PIP5K1B: variants seen among roughly 807,000 people sequenced by gnomAD.
PIP5K1B encodes phosphatidylinositol 4-phosphate 5-kinase type-1 beta.
Under a neutral mutation model 67.0 loss-of-function variants are expected in PIP5K1B, and 42 were observed. The observed-to-expected ratio is 0.63, with a 90% CI of 0.49 to 0.81. PIP5K1B has a LOEUF of 0.81. Among genes scored for constraint, PIP5K1B ranks in the 30% least tolerant of loss-of-function variants. The pLI, the probability that PIP5K1B is intolerant of heterozygous loss-of-function variation, is 0.00. For missense variants in PIP5K1B, 459 were observed against 646.3 expected, an observed-to-expected ratio of 0.71 and a Z score of 3.14; for synonymous variants, 214 against 231.4, an observed-to-expected ratio of 0.92 and a Z score of 0.68.
intron 4 of PIP5K1B, among the ~76,000 whole-genome samples, chr9:68,824,832 A>G (rs1833903046): frequency 6.6e-6 from 1 of 152,218 alleles, no homozygotes; most frequent in Non-Finnish European, 1.5e-5. Context: ...GGAGTTAGCT[A>G]TTGCAAATGT....
rs142645474 is a variant in PIP5K1B, at chr9:68,894,322, C to CTTT, written c.472-12_472-10dup. 1.3e-6 allele frequency: 2 copies of CTTT among 1,521,628 alleles called. No individual in the cohort carries two copies. The highest frequency in any genetic ancestry group is 2.8e-5 in the African/African-American group (2 of 71,936). 94.3% of individuals were successfully genotyped at this position (1,521,628 alleles called of 1,614,324 possible). On this transcript the variant is annotated splice_polypyrimidine_tract_variant and intron_variant, in intron 7 of 15. Transcript: ENST00000265382. ...AATAGAAGATTGTAAATATATTTTT[C>CTTT]TTTTTTTGGTTTCTAGAATTTAAAC... is the stretch of plus-strand genomic sequence containing the variant.
intron 12 of PIP5K1B, among the ~76,000 whole-genome samples, chr9:68,928,720 A>G (rs538600019): frequency 6.6e-6 from 1 of 152,224 alleles, no homozygotes; most frequent in Non-Finnish European, 1.5e-5. Flanking sequence ...TAGTGCTGCT[A>G]CAGTGGAAAA....
intron 5 of PIP5K1B, among the ~76,000 whole-genome samples, chr9:68,871,978 G>A (rs770653272): frequency 8.6e-5 from 13 of 151,730 alleles, no homozygotes; most frequent in Admixed American, 3.3e-4. Flanking sequence ...ACTGTGAGGA[G>A]TTCTACTCTT....
intron 1 of PIP5K1B, among the ~76,000 whole-genome samples, chr9:68,739,598 G>C (rs796351082): frequency 7.9e-5 from 12 of 152,318 alleles, no homozygotes; most frequent in African/African-American, 2.9e-4. Flanking sequence ...AATTTTGGTT[G>C]GAGGAATGTT....
At chr9:68,996,025 C>G (rs1830589420) in intron 15 of PIP5K1B, among the ~76,000 whole-genome samples, 1 of 152,164 alleles carries the variant, frequency 6.6e-6, no homozygotes, top group Non-Finnish European at 1.5e-5. Flanking sequence ...GCTTCTTCTC[C>G]TTTAAGATAG....
chr9:68,925,352 A>C (rs1027997132), intron 12 of PIP5K1B, among the ~76,000 whole-genome samples: 3 of 152,208 alleles, frequency 2.0e-5, no homozygotes, highest in East Asian at 3.8e-4. Flanking sequence ...CCACGAGGCC[A>C]TGAGAGCCCG....
intron 9 of PIP5K1B, among the ~76,000 whole-genome samples, chr9:68,918,336 T>TCA: frequency 6.6e-6 from 1 of 152,170 alleles, no homozygotes; most frequent in Admixed American, 6.5e-5. Context: ...GTGATCCACC[T>TCA]GCCTTGGCTT....
At chr9:68,927,526 G>T (rs929468367) in intron 12 of PIP5K1B, among the ~76,000 whole-genome samples, 1 of 152,072 alleles carries the variant, frequency 6.6e-6, no homozygotes, top group Non-Finnish European at 1.5e-5. Context: ...ATGACTAATG[G>T]TATTAAACAT....
At chr9:68,998,555 T>C (rs943059654) in intron 15 of PIP5K1B, among the ~76,000 whole-genome samples, 2 of 152,180 alleles carry the variant, frequency 1.3e-5, no homozygotes, top group Non-Finnish European at 2.9e-5. Context: ...AAAGCCAGTG[T>C]TTGCCATTTT....
chr9:68,850,163 C>G (rs1276174903), intron 4 of PIP5K1B, among the ~76,000 whole-genome samples: 3 of 152,280 alleles, frequency 2.0e-5, no homozygotes, highest in African/African-American at 7.2e-5. Context: ...ATTAAAGAAG[C>G]CTACTTCATC....
intron 2 of PIP5K1B, chr9:68,781,414 C>T: frequency 5.4e-6 from 1 of 185,032 alleles, no homozygotes; most frequent in Admixed American, 5.7e-5. Context: ...TTTAAAATTC[C>T]ATACTTCATG....
chr9:68,917,981 T>C (rs1265722267), intron 9 of PIP5K1B, among the ~76,000 whole-genome samples: 1 of 152,242 alleles, frequency 6.6e-6, no homozygotes, highest in Non-Finnish European at 1.5e-5. Context: ...TTTCTTTTTT[T>C]AACAATGGCT....
At chr9:68,813,355 G>T (rs902929322) in intron 2 of PIP5K1B, among the ~76,000 whole-genome samples, 2 of 152,220 alleles carry the variant, frequency 1.3e-5, no homozygotes, top group East Asian at 3.8e-4. Context: ...TGGAAGAGAC[G>T]TGTTGACTAT....
At position 68,934,938 on chromosome 9, in the gene PIP5K1B, T is replaced by A; in HGVS notation, c.1250T>A (p.Leu417Gln). 1 of 1,613,292 alleles carries A rather than the reference T, an allele frequency of 6.2e-7. No homozygotes were observed. ...SKKRCNSIAALKATSQEIVSS... is the reference protein window; with the variant it reads ...SKKRCNSIAAQKATSQEIVSS... ...AAACGGTGCAATTCAATCGCCGCCC[T>A]AAAGGCCACTTCACAGGAGATTGTG... Residue 417 changes from leucine to glutamine, a missense_variant, in exon 13 of 16, where the codon CTA becomes CAA. Transcript: ENST00000265382.
intron 4 of PIP5K1B, among the ~76,000 whole-genome samples, chr9:68,826,559 T>C (rs550780613): frequency 6.6e-5 from 10 of 152,340 alleles, no homozygotes; most frequent in African/African-American, 2.2e-4. Context: ...GTGGCCAGTT[T>C]ACAACCTCTG....
intron 5 of PIP5K1B, among the ~76,000 whole-genome samples, chr9:68,874,886 T>C (rs1402066074): frequency 1.3e-5 from 2 of 152,220 alleles, no homozygotes; most frequent in Non-Finnish European, 2.9e-5. Context: ...AAGGATGTTA[T>C]AGGTCTCTTT....
chr9:68,985,769 C>G (rs777981204), intron 14 of PIP5K1B, among the ~76,000 whole-genome samples: 4 of 152,248 alleles, frequency 2.6e-5, no homozygotes, highest in Non-Finnish European at 5.9e-5. Context: ...CAGAACCCAA[C>G]TCTCTCATGT....
chr9:68,786,643 A>G (rs1831634511), intron 2 of PIP5K1B, among the ~76,000 whole-genome samples: 2 of 151,982 alleles, frequency 1.3e-5, no homozygotes, highest in Admixed American at 6.5e-5. Flanking sequence ...TTTTTTAGTA[A>G]TAGGCAAGAA....
intron 14 of PIP5K1B, among the ~76,000 whole-genome samples, chr9:68,961,018 G>A (rs1828704510): frequency 6.6e-6 from 1 of 151,900 alleles, no homozygotes; most frequent in Admixed American, 6.6e-5. Context: ...AGACCATCCT[G>A]GCTAACAAGG....
Sources: gnomAD v4.1 joint callset for allele counts (sites outside exome capture counted in the v4.1 genomes callset) on GRCh38, gnomAD v4.1.1 for gene constraint, MANE v1.5 for transcripts, NCBI Gene and HGNC (gene_info 2026-07-23, HGNC 2026-07-21) for gene names.